The following CTNNA2 variants were observed in gnomAD, a reference collection of about 807,000 sequenced individuals.
CTNNA2 encodes the protein catenin alpha-2.
In CTNNA2, 42 loss-of-function variants were observed where a neutral mutation model predicts 101.0. That is an observed-to-expected ratio of 0.42 (90% CI 0.32 to 0.54). The LOEUF (loss-of-function observed/expected upper bound fraction) is 0.54, where lower values mean the gene tolerates loss of function less well. CTNNA2 is among the 20% of genes least tolerant of loss of function. The probability of loss-of-function intolerance (pLI) is 0.14; values close to 1 mark genes in which losing one functional copy is unlikely to be tolerated. For synonymous variants in CTNNA2, 450 were observed against 456.4 expected (o/e 0.99, Z 0.18); for missense variants, 871 against 1,223.1 (o/e 0.71, Z 4.29).
chr2:80,262,881 A>G (rs1250844049), intron 7 of CTNNA2, among the ~76,000 whole-genome samples: 1 of 152,184 alleles, frequency 6.6e-6, no homozygotes, highest in Non-Finnish European at 1.5e-5. Flanking sequence ...TCCAGATTCT[A>G]ATAAGACTGT....
At chr2:79,365,057 C>T (rs1821418) in intron 3 of CTNNA2, among the ~76,000 whole-genome samples, 16,364 of 151,892 alleles carry the variant, frequency 0.11, 1,128 homozygotes, top group East Asian at 0.34. Flanking sequence ...GGTGGATCAC[C>T]TGAGGTCAGG....
chr2:80,509,748 C>A (rs1446976841), intron 9 of CTNNA2, among the ~76,000 whole-genome samples: 5 of 152,132 alleles, frequency 3.3e-5, no homozygotes, highest in Non-Finnish European at 7.4e-5. Flanking sequence ...TGGCAGGTAA[C>A]CTACAGTACA....
chr2:79,770,763 T>C (rs979791912), intron 3 of CTNNA2, among the ~76,000 whole-genome samples: 2 of 152,244 alleles, frequency 1.3e-5, no homozygotes, highest in South Asian at 4.1e-4. Flanking sequence ...TCTCATTTTA[T>C]TGTTGAGACT....
intron 1 of CTNNA2, among the ~76,000 whole-genome samples, chr2:79,565,056 A>C (rs1209851727): frequency 6.6e-6 from 1 of 152,058 alleles, no homozygotes; most frequent in African/African-American, 2.4e-5. Flanking sequence ...GCAGTTGGGG[A>C]GAGCAAGGAT....
At chr2:79,371,220 G>T (rs553990849) in intron 3 of CTNNA2, among the ~76,000 whole-genome samples, 20 of 151,978 alleles carry the variant, frequency 1.3e-4, no homozygotes, top group Non-Finnish European at 2.5e-4. Context: ...TGTTTTAAGT[G>T]GTGGCTCTGG....
intron 3 of CTNNA2, among the ~76,000 whole-genome samples, chr2:79,795,421 T>A (rs1289423788): frequency 6.6e-6 from 1 of 152,116 alleles, no homozygotes; most frequent in Non-Finnish European, 1.5e-5. Flanking sequence ...AATATTTTTA[T>A]GTATGTGTTT....
intron 18 of CTNNA2, among the ~76,000 whole-genome samples, chr2:80,640,714 A>G (rs943231505): frequency 1.3e-5 from 2 of 152,214 alleles, no homozygotes; most frequent in Admixed American, 1.3e-4. Flanking sequence ...ATAGGCTCCA[A>G]TGCTCTGGGT....
At chr2:79,615,265 G>A (rs1301087216) in intron 1 of CTNNA2, among the ~76,000 whole-genome samples, 1 of 151,958 alleles carries the variant, frequency 6.6e-6, no homozygotes, top group Non-Finnish European at 1.5e-5. Context: ...ATTTCTAAAT[G>A]TTAGAATAAT....
intron 18 of CTNNA2, among the ~76,000 whole-genome samples, chr2:80,626,604 G>A (rs1448324549): frequency 6.6e-6 from 1 of 152,010 alleles, no homozygotes; most frequent in Non-Finnish European, 1.5e-5. Flanking sequence ...AAGGGCAAAT[G>A]AATATTAGAT....
chr2:80,139,089 T>A (rs1326095661), intron 7 of CTNNA2, among the ~76,000 whole-genome samples: 1 of 152,178 alleles, frequency 6.6e-6, no homozygotes. Flanking sequence ...ATTGTTCTCA[T>A]CATGATTATT....
At chr2:80,073,252 TAC>T (rs1004949352) in intron 7 of CTNNA2, among the ~76,000 whole-genome samples, 3 of 152,140 alleles carry the variant, frequency 2.0e-5, no homozygotes, top group African/African-American at 7.2e-5. Flanking sequence ...GTGGCAGTGG[TAC>T]ACACAGGCTG....
chr2:79,198,511 G>T (rs1278563770), intron 2 of CTNNA2, among the ~76,000 whole-genome samples: 1 of 152,174 alleles, frequency 6.6e-6, no homozygotes, highest in Non-Finnish European at 1.5e-5. Context: ...TATTTGAAGA[G>T]TGACTCTCTC....
intron 13 of CTNNA2, among the ~76,000 whole-genome samples, chr2:80,581,110 A>G (rs778960895): frequency 6.6e-6 from 1 of 152,320 alleles, no homozygotes; most frequent in Non-Finnish European, 1.5e-5. Context: ...CCTAATCTTC[A>G]CAGCAATCAT....
chr2:80,042,378 G>A (rs1696125565), intron 7 of CTNNA2, among the ~76,000 whole-genome samples: 1 of 152,204 alleles, frequency 6.6e-6, no homozygotes, highest in Non-Finnish European at 1.5e-5. Flanking sequence ...CTAGCTAAAT[G>A]AATGCTGTTG....
intron 9 of CTNNA2, among the ~76,000 whole-genome samples, chr2:80,442,072 A>C (rs2149443253): frequency 6.6e-6 from 1 of 152,366 alleles, no homozygotes; most frequent in African/African-American, 2.4e-5. Flanking sequence ...TTCTTGTAAC[A>C]GGTTCACACA....
At chr2:79,716,009 A>G (rs1022768162) in intron 2 of CTNNA2, among the ~76,000 whole-genome samples, 25 of 151,032 alleles carry the variant, frequency 1.7e-4, no homozygotes, top group Admixed American at 1.5e-3. Flanking sequence ...ACAGCCAGTT[A>G]ATCGACTATA....
intron 3 of CTNNA2, among the ~76,000 whole-genome samples, chr2:79,845,802 A>G (rs137941899): frequency 1.3e-5 from 2 of 152,316 alleles, no homozygotes; most frequent in East Asian, 3.9e-4. Context: ...CTGCACAAAT[A>G]TATTTTTATT....
intron 7 of CTNNA2, among the ~76,000 whole-genome samples, chr2:80,235,353 G>T (rs1558928970): frequency 6.6e-6 from 1 of 152,180 alleles, no homozygotes; most frequent in Non-Finnish European, 1.5e-5. Flanking sequence ...CACTCTAGGA[G>T]ATTTTTCCAA....
At chr2:79,430,271 G>A (rs533625458) in intron 4 of CTNNA2, among the ~76,000 whole-genome samples, 1 of 152,220 alleles carries the variant, frequency 6.6e-6, no homozygotes, top group South Asian at 2.1e-4. Context: ...AGGGACAAAA[G>A]GAAAATAATT....
Sources: gnomAD v4.1 joint callset for allele counts (sites outside exome capture counted in the v4.1 genomes callset) on GRCh38, gnomAD v4.1.1 for gene constraint, MANE v1.5 for transcripts, NCBI Gene and HGNC (gene_info 2026-07-23, HGNC 2026-07-21) for gene names.